The following SETBP1 variants were observed in gnomAD, a reference collection of about 807,000 sequenced individuals.
The protein encoded by SETBP1 is SET-binding protein.
In SETBP1, 9 loss-of-function variants were observed where a neutral mutation model predicts 101.0. The observed-to-expected ratio is 0.09, with a 90% CI of 0.05 to 0.16. The LOEUF is 0.16. Among genes scored for constraint, SETBP1 ranks in the 10% least tolerant of loss-of-function variants. The probability of loss-of-function intolerance (pLI) is 1.00; values close to 1 mark genes in which losing one functional copy is unlikely to be tolerated. For synonymous variants in SETBP1, 818 were observed against 788.5 expected, an observed-to-expected ratio of 1.04 and a Z score of -0.63; for missense variants, 1,858 against 2,033.8, an observed-to-expected ratio of 0.91 and a Z score of 1.66.
At chr18:44,992,035 G>T (rs1236615045) in intron 4 of SETBP1, among the ~76,000 whole-genome samples, 1 of 152,080 alleles carries the variant, frequency 6.6e-6, no homozygotes, top group Non-Finnish European at 1.5e-5. Context: ...TAATTCATGG[G>T]TCAAAAAATT....
intron 3 of SETBP1, among the ~76,000 whole-genome samples, chr18:44,908,259 C>T (rs954627107): frequency 2.0e-5 from 3 of 151,974 alleles, no homozygotes; most frequent in African/African-American, 7.2e-5. Flanking sequence ...CAGGGTTTCA[C>T]CAACTTGGCC....
rs140387662 is a variant in SETBP1, at chr18:44,872,381, C to A, written c.540+3098C>A. On this transcript the variant is annotated intron_variant, in intron 3 of 5. Transcript: ENST00000649279. ...TCTTCCGATCTTTGTTCTACATAGA[C>A]ACACACATCTGTTTTTTTTTAATGG... Among the ~76,000 whole-genome samples, 110 of 152,270 alleles carry A rather than the reference C, an allele frequency of 7.2e-4. 2 individuals carry two copies. In the Middle Eastern group the frequency reaches 0.014, roughly 19 times the overall value.
At chr18:44,918,066 A>G (rs2070484456) in intron 3 of SETBP1, among the ~76,000 whole-genome samples, 1 of 152,166 alleles carries the variant, frequency 6.6e-6, no homozygotes, top group African/African-American at 2.4e-5. Flanking sequence ...TAGATGTCTG[A>G]AAGCCAAAAT....
At chr18:44,779,918 A>G (rs893558516) in intron 2 of SETBP1, among the ~76,000 whole-genome samples, 3 of 151,760 alleles carry the variant, frequency 2.0e-5, no homozygotes, top group Non-Finnish European at 2.9e-5. Context: ...CCGAACACAC[A>G]CACACACACA....
At chr18:44,826,690 C>T (rs959070744) in intron 2 of SETBP1, among the ~76,000 whole-genome samples, 2 of 152,076 alleles carry the variant, frequency 1.3e-5, no homozygotes, top group South Asian at 4.1e-4. Context: ...TGCCCAGACA[C>T]ATGCTGAGTT....
chr18:45,032,734 G>T (rs1028870165), intron 4 of SETBP1, among the ~76,000 whole-genome samples: 3 of 152,060 alleles, frequency 2.0e-5, no homozygotes, highest in African/African-American at 7.2e-5. Flanking sequence ...TTTCTAATTT[G>T]CCCAAAGGTG....
intron 3 of SETBP1, 80 bp downstream of exon 3, chr18:44,869,363 C>A: frequency 4.6e-6 from 6 of 1,317,086 alleles, no homozygotes; most frequent in Non-Finnish European, 6.6e-6. Flanking sequence ...ACCTTTGGGG[C>A]CAGGACAGAA....
chr18:44,777,706 A>G (rs1036516073), intron 2 of SETBP1, among the ~76,000 whole-genome samples: 3 of 152,244 alleles, frequency 2.0e-5, no homozygotes, highest in Non-Finnish European at 2.9e-5. Context: ...TGGGCTCCGT[A>G]TCAGTTCATA....
chr18:44,891,349 T>A (rs986728511), intron 3 of SETBP1, among the ~76,000 whole-genome samples: 1 of 152,146 alleles, frequency 6.6e-6, no homozygotes, highest in Non-Finnish European at 1.5e-5. Flanking sequence ...ACTCATATAT[T>A]TGATCATCTA....
intron 3 of SETBP1, among the ~76,000 whole-genome samples, chr18:44,914,164 A>G (rs1158318864): frequency 6.6e-6 from 1 of 152,112 alleles, no homozygotes; most frequent in Non-Finnish European, 1.5e-5. Flanking sequence ...TTCCTTTGCA[A>G]TTTGTACATT....
At chr18:44,840,125 G>A (rs1475340097) in intron 2 of SETBP1, among the ~76,000 whole-genome samples, 1 of 150,420 alleles carries the variant, frequency 6.6e-6, no homozygotes, top group African/African-American at 2.5e-5. Context: ...CCTGCACCCT[G>A]CCATGTGTAC....
chr18:44,893,569 C>T (rs1011687205), intron 3 of SETBP1, among the ~76,000 whole-genome samples: 1 of 152,094 alleles, frequency 6.6e-6, no homozygotes, highest in African/African-American at 2.4e-5. Context: ...CTCTCCTCAC[C>T]CCGGTGTGGC....
rs544580971 is a variant in SETBP1 at position 44,988,150 on chromosome 18, T to A, written c.4000+34810T>A. 8.5e-5 allele frequency: 13 copies of A among 152,316 alleles called. 1 individual carries two copies. The highest frequency in any genetic ancestry group is 3.1e-4 in the African/African-American group (13 of 41,582). 9.4% of individuals were successfully genotyped at this position (152,316 alleles called of 1,614,324 possible). A position where few individuals can be genotyped will look rare whatever the true frequency, so the allele number is the denominator to read the frequency against. On this transcript the variant is annotated intron_variant, in intron 4 of 5. Transcript: ENST00000649279. ...ATTTGGAAAAGAAGGGACACAAATA[T>A]CATGTTTAAAACTTTCGACCTAGGA...
intron 2 of SETBP1, among the ~76,000 whole-genome samples, chr18:44,744,927 CG>C (rs1568121528): frequency 2.0e-5 from 3 of 152,068 alleles, no homozygotes; most frequent in Non-Finnish European, 4.4e-5. Flanking sequence ...GGATTGATTT[CG>C]GGGCCTTTGT....
At chr18:44,772,815 T>C (rs2070904326) in intron 2 of SETBP1, among the ~76,000 whole-genome samples, 2 of 152,276 alleles carry the variant, frequency 1.3e-5, no homozygotes, top group Admixed American at 1.3e-4. Flanking sequence ...ATATAGAAAT[T>C]CCTGGAATAA....
At chr18:44,855,506 A>C (rs2072957324) in intron 2 of SETBP1, among the ~76,000 whole-genome samples, 1 of 152,172 alleles carries the variant, frequency 6.6e-6, no homozygotes, top group South Asian at 2.1e-4. Context: ...TGAATTCCAG[A>C]CTAGTTGATG....
At chr18:44,841,653 G>A (rs1224496569) in intron 2 of SETBP1, among the ~76,000 whole-genome samples, 2 of 152,124 alleles carry the variant, frequency 1.3e-5, no homozygotes. Flanking sequence ...CTCTCAATAA[G>A]GAAATCCCCA....
At chr18:45,000,016 T>A (rs966908332) in intron 4 of SETBP1, among the ~76,000 whole-genome samples, 26 of 152,254 alleles carry the variant, frequency 1.7e-4, no homozygotes, top group Non-Finnish European at 2.8e-4. Context: ...CAAAATTTTC[T>A]CATCTGTAGT....
intron 2 of SETBP1, among the ~76,000 whole-genome samples, chr18:44,790,238 A>T (rs966016097): frequency 1.3e-5 from 2 of 150,412 alleles, no homozygotes; most frequent in Non-Finnish European, 3.0e-5. Context: ...AACAACAATT[A>T]AAAAAAAAAT....
Sources: allele counts gnomAD v4.1 joint callset (sites outside exome capture counted in the v4.1 genomes callset), GRCh38; gene constraint gnomAD v4.1.1; transcripts MANE v1.5; gene names NCBI Gene and HGNC (gene_info 2026-07-23, HGNC 2026-07-21).